HOMER1: variants seen among roughly 807,000 people sequenced by gnomAD.
The protein encoded by HOMER1 is homer scaffold protein 1, also known as homer protein homolog 1.
Under a neutral mutation model 48.9 loss-of-function variants are expected in HOMER1, and 3 were observed. The observed-to-expected ratio is 0.06, with a 90% CI of 0.03 to 0.16. The LOEUF (loss-of-function observed/expected upper bound fraction) is 0.16, where lower values mean the gene tolerates loss of function less well. Ranked by LOEUF, HOMER1 falls within the 10% of genes least tolerant of loss-of-function variation. The pLI, the probability that HOMER1 is intolerant of heterozygous loss-of-function variation, is 1.00. For missense variants in HOMER1, 247 were observed against 411.4 expected, an observed-to-expected ratio of 0.60 and a Z score of 3.46; for synonymous variants, 134 against 146.4, an observed-to-expected ratio of 0.92 and a Z score of 0.61.
intron 5 of HOMER1, among the ~76,000 whole-genome samples, chr5:79,406,537 G>C (rs764020816): frequency 6.6e-6 from 1 of 152,158 alleles, no homozygotes; most frequent in Non-Finnish European, 1.5e-5. Flanking sequence ...AGAGAGACTA[G>C]AGAAAGGATC....
chr5:79,376,322 CT>C, intron 8 of HOMER1, 125 bp from the exon 9 acceptor site: 1 of 671,742 alleles, frequency 1.5e-6, no homozygotes, highest in Non-Finnish European at 2.4e-6. Context: ...GCTGCAGAAT[CT>C]TAATTTAGCA....
intron 5 of HOMER1, among the ~76,000 whole-genome samples, chr5:79,430,065 GA>G (rs147461312): frequency 1.4e-5 from 2 of 147,482 alleles, no homozygotes; most frequent in African/African-American, 2.5e-5. Context: ...AAAGCACCAA[GA>G]AAAAAAAATA....
chr5:79,499,341 A>G (rs755022502), intron 1 of HOMER1, among the ~76,000 whole-genome samples: 17 of 152,210 alleles, frequency 1.1e-4, no homozygotes, highest in Admixed American at 6.5e-5. Flanking sequence ...TCAACTTTGA[A>G]AACTCTATAC....
intron 2 of HOMER1, among the ~76,000 whole-genome samples, chr5:79,456,063 G>C (rs988921754): frequency 2.8e-5 from 4 of 144,710 alleles, no homozygotes; most frequent in African/African-American, 1.0e-4. Flanking sequence ...GCTGAGGCAA[G>C]AAAATCACTT....
chr5:79,379,146 T>TA (rs1748872424), intron 8 of HOMER1, among the ~76,000 whole-genome samples: 1 of 107,542 alleles, frequency 9.3e-6, no homozygotes, highest in South Asian at 2.8e-4. Flanking sequence ...TATATAAAAA[T>TA]TATTTATATA....
intron 1 of HOMER1, among the ~76,000 whole-genome samples, chr5:79,489,853 C>T (rs757223568): frequency 6.6e-6 from 1 of 152,080 alleles, no homozygotes; most frequent in Non-Finnish European, 1.5e-5. Context: ...TTTAGGTGAA[C>T]CGAAATTTCA....
intron 1 of HOMER1, among the ~76,000 whole-genome samples, chr5:79,502,361 C>G (rs1189881666): frequency 6.6e-6 from 1 of 151,754 alleles, no homozygotes; most frequent in Non-Finnish European, 1.5e-5. Flanking sequence ...TTTTTAAAAC[C>G]CTCACTCTTA....
intron 1 of HOMER1, among the ~76,000 whole-genome samples, chr5:79,487,752 G>A (rs1258594395): frequency 1.3e-5 from 2 of 152,212 alleles, no homozygotes; most frequent in African/African-American, 2.4e-5. Flanking sequence ...CTGGGGAACT[G>A]TGATCACTTA....
At chr5:79,493,370 CA>C (rs994086817) in intron 1 of HOMER1, among the ~76,000 whole-genome samples, 1 of 152,176 alleles carries the variant, frequency 6.6e-6, no homozygotes, top group African/African-American at 2.4e-5. Flanking sequence ...CCTCTATTCC[CA>C]AGGCTCTGAC....
chr5:79,409,714 T>C (rs1375668100), intron 5 of HOMER1, among the ~76,000 whole-genome samples: 1 of 152,164 alleles, frequency 6.6e-6, no homozygotes, highest in Non-Finnish European at 1.5e-5. Flanking sequence ...AGCAAAGAAC[T>C]TGAATAGACA....
chr5:79,404,344 C>A (rs978039111), intron 5 of HOMER1, among the ~76,000 whole-genome samples: 3 of 152,118 alleles, frequency 2.0e-5, no homozygotes, highest in Non-Finnish European at 4.4e-5. Context: ...TTTATAGTCA[C>A]TAGACAGTAA....
intron 1 of HOMER1, among the ~76,000 whole-genome samples, chr5:79,505,482 G>A (rs1046698863): frequency 3.3e-5 from 5 of 152,092 alleles, no homozygotes; most frequent in Non-Finnish European, 5.9e-5. Context: ...TGTATTTAAT[G>A]TCTACCTAAC....
intron 5 of HOMER1, among the ~76,000 whole-genome samples, chr5:79,405,282 C>A (rs567330591): frequency 2.0e-5 from 3 of 152,238 alleles, no homozygotes; most frequent in African/African-American, 7.2e-5. Context: ...GAAGAAATGA[C>A]CCTGCAGACG....
rs879032708 is a variant in HOMER1, at chr5:79,513,093, T to C, written c.-319A>G. On this transcript the variant is annotated 5_prime_UTR_variant, in exon 1 of 9. Coordinates refer to ENST00000334082, the MANE Select transcript of HOMER1 (RefSeq NM_004272.5). The stretch of plus-strand genomic sequence containing the variant: ...AAATGCAGAATCCGGCTTCACCGAG[T>C]CCTATAAAAAATGAGTTCGCTGGTC... The C allele has an allele frequency of 2.6e-6, 1 of 389,578 alleles. No individual in the cohort carries two copies. Among genetic ancestry groups the C allele is most frequent in the Non-Finnish European group, 4.6e-6 (1 of 216,572 alleles). 24.1% of individuals were successfully genotyped at this position (389,578 alleles called of 1,614,324 possible).
chr5:79,428,866 T>A (rs1316229663), intron 5 of HOMER1, among the ~76,000 whole-genome samples: 1 of 152,158 alleles, frequency 6.6e-6, no homozygotes, highest in East Asian at 1.9e-4. Context: ...AGCTCCAAAC[T>A]GATCTACATA....
intron 4 of HOMER1, among the ~76,000 whole-genome samples, chr5:79,443,506 C>T (rs536418354): frequency 6.6e-6 from 1 of 152,220 alleles, no homozygotes; most frequent in African/African-American, 2.4e-5. Context: ...TTTTCAAATA[C>T]ATATTGTATA....
chr5:79,446,883 G>A (rs1457974950), intron 4 of HOMER1, among the ~76,000 whole-genome samples, 170 bp downstream of exon 4: 1 of 149,332 alleles, frequency 6.7e-6, no homozygotes, highest in Non-Finnish European at 1.5e-5. Flanking sequence ...TGAAATCCCG[G>A]GCTCAAGTAA....
At chr5:79,451,852 C>A (rs963585829) in intron 2 of HOMER1, among the ~76,000 whole-genome samples, 4 of 152,066 alleles carry the variant, frequency 2.6e-5, no homozygotes, top group African/African-American at 9.7e-5. Context: ...TGAGCCACTG[C>A]GCCCGGCCGA....
At chr5:79,381,821 G>T (rs949243250) in intron 8 of HOMER1, among the ~76,000 whole-genome samples, 1 of 151,762 alleles carries the variant, frequency 6.6e-6, no homozygotes, top group Non-Finnish European at 1.5e-5. Flanking sequence ...GGAGGTGGAG[G>T]TTGCAGTAAG....
Sources: allele counts gnomAD v4.1 joint callset (sites outside exome capture counted in the v4.1 genomes callset), GRCh38; gene constraint gnomAD v4.1.1; transcripts MANE v1.5; gene names NCBI Gene and HGNC (gene_info 2026-07-23, HGNC 2026-07-21).